Variants in ARHGAP39 observed in about 807,000 individuals in gnomAD.
ARHGAP39 encodes rho GTPase-activating protein 39.
In ARHGAP39, 44 loss-of-function variants were observed where a neutral mutation model predicts 106.9. The ratio of observed to expected loss-of-function variants is 0.41; its 90% CI spans 0.32 to 0.53. ARHGAP39 has a LOEUF of 0.53. Ranked by LOEUF, ARHGAP39 falls within the 20% of genes least tolerant of loss-of-function variation. The pLI, the probability that ARHGAP39 is intolerant of heterozygous loss-of-function variation, is 0.21. For missense variants in ARHGAP39, 1,496 were observed against 1,577.3 expected, an observed-to-expected ratio of 0.95 and a Z score of 0.87; for synonymous variants, 768 against 693.2, an observed-to-expected ratio of 1.11 and a Z score of -1.69.
In ARHGAP39 at chr8:144,647,263, G is replaced by A. The variant is rs937780367; in HGVS notation, c.-82+38423C>T. On this transcript the variant is annotated intron_variant, in intron 1 of 11. Coordinates refer to ENST00000377307, the MANE Select transcript of ARHGAP39 (RefSeq NM_025251.3). This position sits in a 1 kb window ranked among gnomAD's most constrained non-coding sequence, Gnocchi z 4.8. ...ATTACAGCCGTGAGCCACTGCGCCC[G>A]GCCTGCTCTGACCCTTCTTAAAGCT... Among the ~76,000 whole-genome samples, 3 of 152,058 alleles carry A rather than the reference G, an allele frequency of 2.0e-5. No individual in the cohort carries two copies. The highest frequency in any genetic ancestry group is 1.9e-4 in the East Asian group (1 of 5,184).
At chr8:144,619,921 T>TGCGTGTGAGCCTGTGTCCCTGAGA (rs1820749480) in intron 1 of ARHGAP39, among the ~76,000 whole-genome samples, 1 of 144,302 alleles carries the variant, frequency 6.9e-6, no homozygotes, top group Middle Eastern at 3.6e-3. Context: ...TGTGCCCGTG[T>TGCGTGTGAGCCTGTGTCCCTGAGA]GCGTGTGAGC....
intron 7 of ARHGAP39, among the ~76,000 whole-genome samples, chr8:144,535,045 C>T (rs1187035913): frequency 2.0e-5 from 3 of 152,224 alleles, no homozygotes; most frequent in Non-Finnish European, 4.4e-5. Flanking sequence ...CCATGGACCT[C>T]GGACAGATGG....
intron 1 of ARHGAP39, among the ~76,000 whole-genome samples, chr8:144,626,551 G>A (rs1820920171): frequency 7.6e-6 from 1 of 131,898 alleles, no homozygotes; most frequent in Non-Finnish European, 1.6e-5. Context: ...TGTCCCGGCG[G>A]CCCCGTTCAC....
intron 1 of ARHGAP39, among the ~76,000 whole-genome samples, chr8:144,667,159 C>T (rs1309796586): frequency 2.6e-5 from 4 of 152,184 alleles, no homozygotes; most frequent in Non-Finnish European, 4.4e-5. Flanking sequence ...AGATGCAGCA[C>T]CCTGATGCTC....
chr8:144,575,194 C>A lies in ARHGAP39; in HGVS notation c.512+5652G>T, dbSNP rs181793162. 1.8e-3 allele frequency among the ~76,000 whole-genome samples: 276 copies of A among 152,180 alleles called. 2 individuals carry two copies. The highest frequency in any genetic ancestry group is 3.0e-3 in the Non-Finnish European group (206 of 68,028). On this transcript the variant is annotated intron_variant, in intron 3 of 11. Coordinates refer to ENST00000377307, the MANE Select transcript of ARHGAP39 (RefSeq NM_025251.3). The stretch of plus-strand genomic sequence containing the variant: ...GCTTGCAGGACTGGCAGTTGCCGTG[C>A]GTGTCGGTGAGTGAGCCCTGGATAT...
intron 1 of ARHGAP39, among the ~76,000 whole-genome samples, chr8:144,666,076 T>C (rs549021323): frequency 1.3e-5 from 2 of 152,362 alleles, no homozygotes; most frequent in East Asian, 3.9e-4. Context: ...GACCTGGATG[T>C]GAAACCTGGG....
chr8:144,688,141 T>C (rs1822671004), upstream of ARHGAP39, among the ~76,000 whole-genome samples: 1 of 151,788 alleles, frequency 6.6e-6, no homozygotes, highest in Non-Finnish European at 1.5e-5. Flanking sequence ...TCTTGCTGTG[T>C]CACCTAGGCT....
At chr8:144,698,205 GGCCTCTACCCACTCTCTTTCTT>G in the ARHGAP39 span, among the ~76,000 whole-genome samples, 1 of 152,108 alleles carries the variant, frequency 6.6e-6, no homozygotes, top group Admixed American at 6.5e-5. Context: ...AAACAAGCCT[GGCCTCTACCCACTCTCTTTCTT>G]GCCTTTTCTC....
At chr8:144,541,875 G>C (rs1349711062) in intron 6 of ARHGAP39, among the ~76,000 whole-genome samples, 1 of 152,090 alleles carries the variant, frequency 6.6e-6, no homozygotes, top group Non-Finnish European at 1.5e-5. Context: ...TTCTGGAAGT[G>C]GAAATGCTAG....
intron 1 of ARHGAP39, among the ~76,000 whole-genome samples, chr8:144,634,969 C>G (rs1821140054): frequency 6.6e-6 from 1 of 152,276 alleles, no homozygotes; most frequent in Non-Finnish European, 1.5e-5. Flanking sequence ...ACTTCTGTCT[C>G]TCCTTCAGGA....
At chr8:144,636,312 T>C (rs1028038597) in intron 1 of ARHGAP39, among the ~76,000 whole-genome samples, 3 of 152,160 alleles carry the variant, frequency 2.0e-5, no homozygotes, top group Non-Finnish European at 4.4e-5. Context: ...CTAATGTTAG[T>C]GGAGGATTAG....
At chr8:144,571,768 A>G (rs1022890823) in intron 3 of ARHGAP39, among the ~76,000 whole-genome samples, 4 of 152,248 alleles carry the variant, frequency 2.6e-5, no homozygotes, top group Non-Finnish European at 5.9e-5. Flanking sequence ...AATCTCCTTA[A>G]GCTGATAAGC....
At chr8:144,610,920 G>A (rs531362360) in intron 1 of ARHGAP39, among the ~76,000 whole-genome samples, 27 of 152,068 alleles carry the variant, frequency 1.8e-4, no homozygotes, top group African/African-American at 4.6e-4. Context: ...AGGTTCAAGC[G>A]ATTCTCCTGC....
At chr8:144,683,663 G>A (rs1049096761) in intron 1 of ARHGAP39, among the ~76,000 whole-genome samples, 12 of 152,034 alleles carry the variant, frequency 7.9e-5, no homozygotes, top group African/African-American at 2.9e-4. Flanking sequence ...CTCTAAGAAC[G>A]TCTTAAAACA....
intron 1 of ARHGAP39, among the ~76,000 whole-genome samples, chr8:144,632,427 C>T (rs1042933449): frequency 1.2e-4 from 19 of 152,244 alleles, no homozygotes; most frequent in African/African-American, 4.3e-4. Context: ...TGTCGACAAA[C>T]CCTCACTGCC....
chr8:144,694,045 A>G, the ARHGAP39 span, among the ~76,000 whole-genome samples: 2 of 152,224 alleles, frequency 1.3e-5, no homozygotes, highest in African/African-American at 4.8e-5. Context: ...TGAGGCAGGA[A>G]TGTGACCGGA....
intron 1 of ARHGAP39, among the ~76,000 whole-genome samples, chr8:144,636,237 ATTC>A (rs369083003): frequency 1.3e-5 from 2 of 152,296 alleles, no homozygotes; most frequent in African/African-American, 4.8e-5. Context: ...CAGGTAGATA[ATTC>A]TTCTGTGTTG....
chr8:144,583,020 C>A (rs1819052329), intron 2 of ARHGAP39, among the ~76,000 whole-genome samples: 2 of 152,194 alleles, frequency 1.3e-5, no homozygotes, highest in Admixed American at 1.3e-4. Context: ...TCTCGCCACA[C>A]CCTTGGCGTA....
chr8:144,545,142 C>G, intron 6 of ARHGAP39, 107 bp downstream of exon 6: 1 of 1,095,582 alleles, frequency 9.1e-7, no homozygotes, highest in Non-Finnish European at 1.2e-6. Context: ...GAACCATGGC[C>G]CTGTGTGGAG....
Sources: gnomAD v4.1 joint callset for allele counts (sites outside exome capture counted in the v4.1 genomes callset) on GRCh38, gnomAD v4.1.1 for gene constraint, Gnocchi (gnomAD v3.1) non-coding constraint, MANE v1.5 for transcripts, NCBI Gene and HGNC (gene_info 2026-07-23, HGNC 2026-07-21) for gene names.